Variants in SWAP70 observed in about 807,000 individuals in gnomAD.
SWAP70 encodes the protein switching B cell complex subunit SWAP70, also known as switch-associated protein 70.
Under a neutral mutation model 80.2 loss-of-function variants are expected in SWAP70, and 34 were observed. That is an observed-to-expected ratio of 0.42 (90% CI 0.32 to 0.56). SWAP70 has a LOEUF of 0.56. Ranked by LOEUF, SWAP70 falls within the 20% of genes least tolerant of loss-of-function variation. The probability of loss-of-function intolerance (pLI) is 0.09; values close to 1 mark genes in which losing one functional copy is unlikely to be tolerated. For synonymous variants in SWAP70, 239 were observed against 238.5 expected (o/e 1.00, Z -0.02); for missense variants, 578 against 690.7 (o/e 0.84, Z 1.83).
chr11:9,689,339 G>A (rs1444116204), intron 1 of SWAP70, among the ~76,000 whole-genome samples: 2 of 152,212 alleles, frequency 1.3e-5, no homozygotes, highest in Non-Finnish European at 2.9e-5. Context: ...GACCACACGA[G>A]CAGGGCTCAT....
At chr11:9,683,565 T>C (rs1565114375) in intron 1 of SWAP70, among the ~76,000 whole-genome samples, 1 of 152,166 alleles carries the variant, frequency 6.6e-6, no homozygotes, top group Non-Finnish European at 1.5e-5. Context: ...GCATGGGTTC[T>C]CCAGGAAGCC....
intron 1 of SWAP70, among the ~76,000 whole-genome samples, chr11:9,685,155 C>T (rs1850615764): frequency 6.6e-6 from 1 of 151,164 alleles, no homozygotes; most frequent in Non-Finnish European, 1.5e-5. Flanking sequence ...CGCTCTGTGC[C>T]GAGGCTGGAG....
chr11:9,739,217 G>A (rs1851404061), intron 8 of SWAP70, among the ~76,000 whole-genome samples: 1 of 152,186 alleles, frequency 6.6e-6, no homozygotes, highest in African/African-American at 2.4e-5. Context: ...TGGTTAGCTG[G>A]AACACAGGTC....
intron 9 of SWAP70, chr11:9,741,090 A>C (rs1458369468): frequency 1.3e-5 from 2 of 152,316 alleles, no homozygotes; most frequent in African/African-American, 2.4e-5. Flanking sequence ...CACAGGGTCC[A>C]GTCTTTGATC....
chr11:9,708,363 C>T (rs12272277), intron 2 of SWAP70, among the ~76,000 whole-genome samples: 54,481 of 152,012 alleles, frequency 0.36, 10,122 homozygotes, highest in African/African-American at 0.43. Context: ...TGATATCACA[C>T]TGTGTTTTGA....
chr11:9,686,411 A>G (rs1418210916), intron 1 of SWAP70, among the ~76,000 whole-genome samples: 1 of 149,780 alleles, frequency 6.7e-6, no homozygotes, highest in Non-Finnish European at 1.5e-5. Context: ...CCAGAGCTGG[A>G]GTACAGCGGC....
intron 1 of SWAP70, among the ~76,000 whole-genome samples, chr11:9,677,467 C>A (rs1190769472): frequency 6.6e-6 from 1 of 152,064 alleles, no homozygotes; most frequent in South Asian, 2.1e-4. Context: ...TTTCCCTTAA[C>A]CCTTGGCCCA....
intron 1 of SWAP70, among the ~76,000 whole-genome samples, chr11:9,668,351 T>A (rs772710029): frequency 1.3e-5 from 2 of 152,262 alleles, no homozygotes; most frequent in Admixed American, 1.3e-4. Flanking sequence ...TCCCAGTTCA[T>A]AGATTTCACC....
intron 3 of SWAP70, among the ~76,000 whole-genome samples, chr11:9,719,558 G>T (rs1033567465): frequency 3.3e-5 from 5 of 152,062 alleles, no homozygotes; most frequent in African/African-American, 9.7e-5. Flanking sequence ...GTTAATGTTT[G>T]CTTCTGATTC....
In SWAP70 at chr11:9,729,470, A is replaced by G; in HGVS notation, c.898+19A>G. 1 of 1,524,926 alleles carries G rather than the reference A, an allele frequency of 6.6e-7. No homozygotes were observed. Among genetic ancestry groups the G allele is most frequent in the African/African-American group, 1.4e-5 (1 of 72,614 alleles). The allele number at this position is 1,524,926 out of a possible 1,614,324, so 94.5% of individuals were successfully genotyped here. Reference sequence around the variant, plus strand: ...ATTCAAGGTAAGGTGATTTTTTATTATTTGCCATGATATAACTTGAAAGCT... The same window carrying G: ...ATTCAAGGTAAGGTGATTTTTTATTGTTTGCCATGATATAACTTGAAAGCT... On this transcript the variant is annotated intron_variant, in intron 6 of 11. Transcript: ENST00000318950.
intron 9 of SWAP70, 109 bp downstream of exon 9, chr11:9,740,456 C>A: frequency 8.6e-7 from 1 of 1,165,492 alleles, no homozygotes; most frequent in Non-Finnish European, 1.3e-6. Context: ...TCTGCTCTGG[C>A]TGTGACTGAG....
chr11:9,687,172 A>T (rs1019564157), intron 1 of SWAP70, among the ~76,000 whole-genome samples: 10 of 152,372 alleles, frequency 6.6e-5, no homozygotes, highest in Admixed American at 3.9e-4. Context: ...ACCCATTCAG[A>T]GGACAAGGTT....
At chr11:9,716,019 A>G (rs915780794) in intron 3 of SWAP70, among the ~76,000 whole-genome samples, 2 of 152,220 alleles carry the variant, frequency 1.3e-5, no homozygotes, top group African/African-American at 4.8e-5. Context: ...CTACATTGGC[A>G]GGTAGGGATT....
intron 2 of SWAP70, among the ~76,000 whole-genome samples, chr11:9,702,369 G>A (rs773922688): frequency 6.8e-6 from 1 of 147,008 alleles, no homozygotes; most frequent in African/African-American, 2.6e-5. Context: ...TTATTTTTTC[G>A]TTCATTGTTT....
chr11:9,697,937 A>G (rs1158330420), intron 2 of SWAP70, among the ~76,000 whole-genome samples: 1 of 151,902 alleles, frequency 6.6e-6, no homozygotes, highest in African/African-American at 2.4e-5. Flanking sequence ...GCTGCGTGCC[A>G]CCACACCTGG....
At chr11:9,731,942 C>T (rs1409908090) in intron 6 of SWAP70, among the ~76,000 whole-genome samples, 1 of 152,060 alleles carries the variant, frequency 6.6e-6, no homozygotes, top group Non-Finnish European at 1.5e-5. Flanking sequence ...AAAGAAAAAT[C>T]AGATGTTGTA....
chr11:9,686,883 A>G (rs1850640157), intron 1 of SWAP70, among the ~76,000 whole-genome samples: 1 of 152,200 alleles, frequency 6.6e-6, no homozygotes, highest in African/African-American at 2.4e-5. Flanking sequence ...ACAAATAATT[A>G]TTCAGCCAAA....
intron 3 of SWAP70, among the ~76,000 whole-genome samples, chr11:9,723,351 C>T (rs1476097198): frequency 6.6e-6 from 1 of 152,080 alleles, no homozygotes; most frequent in Non-Finnish European, 1.5e-5. Flanking sequence ...AAACTTATCA[C>T]AAAACACTAT....
At chr11:9,667,163 A>G (rs1850317713) in intron 1 of SWAP70, among the ~76,000 whole-genome samples, 1 of 151,876 alleles carries the variant, frequency 6.6e-6, no homozygotes, top group Non-Finnish European at 1.5e-5. Flanking sequence ...CTGCAATGAT[A>G]TGTTTAGTGA....
Sources: gnomAD v4.1 joint callset for allele counts (sites outside exome capture counted in the v4.1 genomes callset) on GRCh38, gnomAD v4.1.1 for gene constraint, MANE v1.5 for transcripts, NCBI Gene and HGNC (gene_info 2026-07-23, HGNC 2026-07-21) for gene names.